The following PDE2A variants were observed in gnomAD, a reference collection of about 807,000 sequenced individuals.
PDE2A encodes the protein cGMP-dependent 3',5'-cyclic phosphodiesterase.
In PDE2A, 53 loss-of-function variants were observed where a neutral mutation model predicts 133.6. The ratio of observed to expected loss-of-function variants is 0.40; its 90% CI spans 0.32 to 0.50. The LOEUF (loss-of-function observed/expected upper bound fraction) is 0.50. PDE2A is among the 20% of genes least tolerant of loss of function. The pLI is 0.73. For missense variants in PDE2A, 796 were observed against 1,232.4 expected (o/e 0.65, Z 5.30); for synonymous variants, 491 against 490.2 (o/e 1.00, Z -0.02).
At position 72,597,228 on chromosome 11, in the gene PDE2A, G is replaced by A. The variant is rs201804285; in HGVS notation, c.433+282C>T. On this transcript the variant is annotated intron_variant, in intron 5 of 30. Transcript: ENST00000334456. The surrounding 1 kb of genome is among the most constrained non-coding windows in gnomAD (Gnocchi z 4.6). ...CACAGCCACGGGCCACTGAGCCCTC[G>A]CTTGTGCCAGGCCCCTAACATGCAT... Among the ~76,000 whole-genome samples the A allele has an allele frequency of 1.3e-5, 2 of 152,294 alleles. No individual in the cohort carries two copies. The highest frequency in any genetic ancestry group is 2.4e-5 in the African/African-American group (1 of 41,568).
At chr11:72,588,942 G>A in intron 12 of PDE2A, 28 bp from the exon 13 acceptor site, 1 of 1,587,848 alleles carries the variant, frequency 6.3e-7, no homozygotes, top group Non-Finnish European at 8.6e-7. Context: ...GTCAGGGCAG[G>A]GAAGCAGGGC....
intron 2 of PDE2A, chr11:72,635,991 G>A (rs759843128): frequency 9.6e-6 from 12 of 1,244,814 alleles, no homozygotes; most frequent in South Asian, 5.2e-5. Flanking sequence ...CTGAGCTCCC[G>A]AAACTCCCAT....
chr11:72,603,426 G>A (rs1334005543), intron 4 of PDE2A, among the ~76,000 whole-genome samples: 2 of 152,168 alleles, frequency 1.3e-5, no homozygotes, highest in African/African-American at 4.8e-5. Context: ...CACTCTACAT[G>A]CCCAGACAGC....
At chr11:72,617,098 G>C (rs1857512060) in intron 2 of PDE2A, among the ~76,000 whole-genome samples, 1 of 152,332 alleles carries the variant, frequency 6.6e-6, no homozygotes, top group African/African-American at 2.4e-5. Flanking sequence ...TGTCTTTGGG[G>C]CCCCTCTAAT....
intron 1 of PDE2A, among the ~76,000 whole-genome samples, chr11:72,668,119 C>G (rs1855290225): frequency 6.6e-6 from 1 of 152,236 alleles, no homozygotes; most frequent in African/African-American, 2.4e-5. Flanking sequence ...AAAGTCCAAA[C>G]TCTCAGCCTG....
intron 1 of PDE2A, chr11:72,649,409 C>T (rs2135446333): frequency 6.6e-6 from 1 of 152,388 alleles, no homozygotes; most frequent in African/African-American, 2.4e-5. Flanking sequence ...CAGACTGGGG[C>T]TCCTCTAGGC....
intron 1 of PDE2A, among the ~76,000 whole-genome samples, chr11:72,650,820 A>C (rs1591129568): frequency 6.9e-6 from 1 of 144,494 alleles, no homozygotes. Context: ...GGCTGGCCCC[A>C]CTCCAGGGGT....
chr11:72,654,903 C>A (rs1242941243), intron 1 of PDE2A, among the ~76,000 whole-genome samples: 2 of 152,280 alleles, frequency 1.3e-5, no homozygotes, highest in South Asian at 2.1e-4. Context: ...CATCCCCAAC[C>A]ACCATAGGGT....
chr11:72,647,702 A>G (rs1252348729), intron 1 of PDE2A, among the ~76,000 whole-genome samples: 1 of 152,122 alleles, frequency 6.6e-6, no homozygotes, highest in African/African-American at 2.4e-5. Context: ...CCCTTTCCTC[A>G]ACACTCCAGC....
chr11:72,659,784 CG>C (rs933883446), intron 1 of PDE2A, among the ~76,000 whole-genome samples: 1 of 152,058 alleles, frequency 6.6e-6, no homozygotes, highest in Non-Finnish European at 1.5e-5. Context: ...AAAGGAGGGG[CG>C]GGTTTGTGGA....
intron 1 of PDE2A, among the ~76,000 whole-genome samples, chr11:72,644,716 GTTATTTTATTTATTTTATTTTATT>G (rs1371423216): frequency 1.3e-5 from 2 of 149,852 alleles, no homozygotes; most frequent in Non-Finnish European, 3.0e-5. Context: ...CTCTTGAGAA[GTTATTTTATTTATTTTATTTTATT>G]TTATTTTATT....
At position 72,597,039 on chromosome 11, in the gene PDE2A, C is replaced by T. The variant is rs931480538; in HGVS notation, c.434-391G>A. Among the ~76,000 whole-genome samples, 7 of 152,084 alleles carry T rather than the reference C, an allele frequency of 4.6e-5. No individual in the cohort carries two copies. The highest frequency in any genetic ancestry group is 1.7e-4 in the African/African-American group (7 of 41,404). On this transcript the variant is annotated intron_variant, in intron 5 of 30. Transcript: ENST00000334456. The surrounding 1 kb of genome is among the most constrained non-coding windows in gnomAD (Gnocchi z 4.6). The stretch of plus-strand genomic sequence containing the variant: ...GTCTTGTGCACTTTCCACATCGAGA[C>T]AGAGGACAGAGACCTAGAGAGACTG...
At chr11:72,673,375 A>G (rs1855425788) in intron 1 of PDE2A, among the ~76,000 whole-genome samples, 1 of 149,718 alleles carries the variant, frequency 6.7e-6, no homozygotes, top group Non-Finnish European at 1.5e-5. Flanking sequence ...TACACCCAAC[A>G]TGTCCCTTAC....
chr11:72,662,754 A>G (rs11235558), intron 1 of PDE2A, among the ~76,000 whole-genome samples: 76,185 of 151,870 alleles, frequency 0.5, 19,531 homozygotes, highest in Middle Eastern at 0.69. Context: ...TGCAACTCAC[A>G]TGTCCTTGGC....
At chr11:72,623,889 T>C (rs2135401352) in intron 2 of PDE2A, among the ~76,000 whole-genome samples, 1 of 152,254 alleles carries the variant, frequency 6.6e-6, no homozygotes, top group Admixed American at 6.5e-5. Flanking sequence ...GAGCCTCCAG[T>C]TGCTCTACCC....
chr11:72,674,366 C>T lies in PDE2A; in HGVS notation c.-159G>A. 1 of 629,246 alleles carries T rather than the reference C, an allele frequency of 1.6e-6. No homozygotes were observed. The highest frequency in any genetic ancestry group is 2.7e-6 in the Non-Finnish European group (1 of 370,892). 39.0% of individuals were successfully genotyped at this position (629,246 alleles called of 1,614,324 possible). A position where few individuals can be genotyped will look rare whatever the true frequency, so the allele number is the denominator to read the frequency against. Reference sequence around the variant, plus strand: ...GACTCAACACCCCAATCCAGCTCTGCTGCCCCGCTGCTCCCGCCTCTCCCG... The same window carrying T: ...GACTCAACACCCCAATCCAGCTCTGTTGCCCCGCTGCTCCCGCCTCTCCCG... On this transcript the variant is annotated 5_prime_UTR_variant, in exon 1 of 31. Coordinates refer to ENST00000334456, the MANE Select transcript of PDE2A (RefSeq NM_002599.5).
intron 6 of PDE2A, among the ~76,000 whole-genome samples, chr11:72,592,722 G>A (rs1856308869): frequency 6.6e-6 from 1 of 152,108 alleles, no homozygotes; most frequent in Admixed American, 6.5e-5. Flanking sequence ...GGGAGCCATG[G>A]CAGACTTTAG....
At chr11:72,613,706 C>T (rs996223950) in intron 2 of PDE2A, among the ~76,000 whole-genome samples, 9 of 152,150 alleles carry the variant, frequency 5.9e-5, no homozygotes, top group African/African-American at 1.2e-4. Flanking sequence ...CAAATAGTCA[C>T]CTTGAGAACA....
intron 2 of PDE2A, among the ~76,000 whole-genome samples, chr11:72,615,392 A>G (rs562551149): frequency 6.6e-6 from 1 of 152,144 alleles, no homozygotes; most frequent in South Asian, 2.1e-4. Context: ...AAGGCAGGCA[A>G]GAGTTGCCTG....
Sources: allele counts gnomAD v4.1 joint callset (sites outside exome capture counted in the v4.1 genomes callset), GRCh38; gene constraint gnomAD v4.1.1; non-coding constraint Gnocchi (gnomAD v3.1); transcripts MANE v1.5; gene names NCBI Gene and HGNC (gene_info 2026-07-23, HGNC 2026-07-21).